Variants in TCTN3 observed in about 807,000 individuals in gnomAD.
The protein encoded by TCTN3 is tectonic-3.
TCTN3 carries 57 observed loss-of-function variants against 71.3 expected under a neutral mutation model. The observed-to-expected ratio is 0.80, with a 90% CI of 0.65 to 1.00. The LOEUF is 1.00. TCTN3 is among the 50% of genes least tolerant of loss of function. The pLI, the probability that TCTN3 is intolerant of heterozygous loss-of-function variation, is 0.00. For missense variants in TCTN3, 696 were observed against 719.9 expected, an observed-to-expected ratio of 0.97 and a Z score of 0.38; for synonymous variants, 258 against 267.8, an observed-to-expected ratio of 0.96 and a Z score of 0.36.
intron 3 of TCTN3, among the ~76,000 whole-genome samples, chr10:95,690,895 T>C (rs1424491591): frequency 6.6e-6 from 1 of 152,204 alleles, no homozygotes; most frequent in Non-Finnish European, 1.5e-5. Context: ...AATTTTTGCC[T>C]TTTTCATACT....
intron 13 of TCTN3, among the ~76,000 whole-genome samples, chr10:95,671,356 G>C (rs752686413): frequency 1.3e-5 from 2 of 152,046 alleles, no homozygotes; most frequent in Non-Finnish European, 2.9e-5. Context: ...AAGTTTGGGG[G>C]GTTATTTGCT....
chr10:95,677,564 A>G (rs529211215), intron 13 of TCTN3, among the ~76,000 whole-genome samples: 1 of 141,718 alleles, frequency 7.1e-6, no homozygotes, highest in East Asian at 2.1e-4. Context: ...TTGCTACTTC[A>G]CTTTTTATAG....
rs768285987 is a variant in TCTN3 at position 95,683,529 on chromosome 10, C to T, written c.1196G>A (p.Ser399Asn). The T allele has an allele frequency of 1.1e-5, 18 of 1,614,070 alleles. No homozygotes were observed. The highest frequency in any genetic ancestry group is 1.5e-5 in the Non-Finnish European group (18 of 1,180,038). The change falls in exon 10 of 14, where the codon AGT (serine) becomes AAT (asparagine). Residue 399 changes from serine (S) to asparagine (N), a missense_variant. Physicochemically the swap from Ser to Asn is conservative, Grantham distance 46. Coordinates refer to ENST00000371217, the MANE Select transcript of TCTN3 (RefSeq NM_015631.6). ...CAGCTCTAAAAAGGATACTGAGTAA[C>T]TTATATCATCAGTCAGAGCCAAGAG... ...KPLLALTDDI[S>N]YSMTLLQSQG... is the part of the protein sequence containing the mutation.
At chr10:95,677,197 A>G (rs908691354) in intron 13 of TCTN3, among the ~76,000 whole-genome samples, 3 of 152,184 alleles carry the variant, frequency 2.0e-5, no homozygotes, top group African/African-American at 7.2e-5. Context: ...TCCTAGAGAT[A>G]TATTTTTTAA....
Position 95,687,662 on chromosome 10 carries a change from AG to A in TCTN3, c.556del (p.Leu186TrpfsTer38). ...QKVNATNFQA[L>X]AAEFGGESFT... ...TGATTCGCCTCCAAACTCTGCAGCC[AG>A]GGCCTGGAAGTTGGTTGCATTGACC... On this transcript the variant is annotated frameshift_variant, in exon 4 of 14. Coordinates refer to ENST00000371217, the MANE Select transcript of TCTN3 (RefSeq NM_015631.6). LOFTEE classifies it high-confidence loss of function. The A allele has an allele frequency of 6.2e-7, 1 of 1,614,198 alleles. No homozygotes were observed. Among genetic ancestry groups the A allele is most frequent in the Non-Finnish European group, 8.5e-7 (1 of 1,180,002 alleles).
At chr10:95,684,096 A>G (rs2097945926) in intron 9 of TCTN3, among the ~76,000 whole-genome samples, 2 of 152,258 alleles carry the variant, frequency 1.3e-5, no homozygotes, top group Non-Finnish European at 2.9e-5. Flanking sequence ...AAGTAGCAGA[A>G]AGCCAAATGG....
chr10:95,685,228 T>C (rs1399565002), intron 8 of TCTN3, among the ~76,000 whole-genome samples: 1 of 151,818 alleles, frequency 6.6e-6, no homozygotes, highest in Non-Finnish European at 1.5e-5. Context: ...ACAGAAGAGG[T>C]GTCAGAAATA....
intron 13 of TCTN3, among the ~76,000 whole-genome samples, chr10:95,671,280 T>C (rs1270188907): frequency 6.6e-6 from 1 of 152,222 alleles, no homozygotes; most frequent in African/African-American, 2.4e-5. Context: ...TATTTCTACT[T>C]TAAGCTATAT....
chr10:95,677,476 T>TTTTTTTTTTTTTTTTTTTTTTTTTTTTTG (rs2097938305), intron 13 of TCTN3, among the ~76,000 whole-genome samples: 1 of 65,008 alleles, frequency 1.5e-5, no homozygotes, highest in Non-Finnish European at 3.6e-5. Context: ...AGTCTACAGT[T>TTTTTTTTTTTTTTTTTTTTTTTTTTTTTG]TTTTTTGTTT....
intron 9 of TCTN3, among the ~76,000 whole-genome samples, chr10:95,684,089 T>C (rs1165673811): frequency 6.6e-6 from 1 of 152,174 alleles, no homozygotes; most frequent in Non-Finnish European, 1.5e-5. Flanking sequence ...AGGAAAGAAG[T>C]AGCAGAAAGC....
intron 8 of TCTN3, among the ~76,000 whole-genome samples, chr10:95,685,228 T>G (rs1399565002): frequency 2.0e-5 from 3 of 151,938 alleles, no homozygotes; most frequent in African/African-American, 7.2e-5. Context: ...ACAGAAGAGG[T>G]GTCAGAAATA....
intron 1 of TCTN3, 32 bp downstream of exon 1, chr10:95,693,612 T>A: frequency 1.3e-6 from 2 of 1,548,074 alleles, no homozygotes; most frequent in East Asian, 4.9e-5. Flanking sequence ...ATCTCAGAAG[T>A]AAGTTTCCAC....
At chr10:95,671,795 C>A (rs1359651702) in intron 13 of TCTN3, among the ~76,000 whole-genome samples, 1 of 152,100 alleles carries the variant, frequency 6.6e-6, no homozygotes, top group Non-Finnish European at 1.5e-5. Flanking sequence ...ACGGTTTCAC[C>A]ATGTTGGTCA....
At chr10:95,680,778 CTTT>C (rs906355850) in intron 12 of TCTN3, among the ~76,000 whole-genome samples, 169 bp from the exon 13 acceptor site, 5 of 134,286 alleles carry the variant, frequency 3.7e-5, no homozygotes, top group Non-Finnish European at 3.2e-5. Flanking sequence ...TATTCCTGAT[CTTT>C]TTTTTTTTTT....
chr10:95,690,052 G>GCC (rs2097952128), intron 3 of TCTN3, among the ~76,000 whole-genome samples: 1 of 152,128 alleles, frequency 6.6e-6, no homozygotes, highest in Non-Finnish European at 1.5e-5. Context: ...CAGTATAGTA[G>GCC]CATGATCACT....
chr10:95,676,236 AACCAGAATAG>A (rs2097937026), intron 13 of TCTN3, among the ~76,000 whole-genome samples: 1 of 152,096 alleles, frequency 6.6e-6, no homozygotes, highest in Non-Finnish European at 1.5e-5. Flanking sequence ...AACCAGAATA[AACCAGAATAG>A]AAAATATCTT....
chr10:95,685,984 T>C (rs2139745819), intron 7 of TCTN3, among the ~76,000 whole-genome samples: 1 of 152,326 alleles, frequency 6.6e-6, no homozygotes, highest in East Asian at 1.9e-4. Context: ...CCCAATACTT[T>C]GGGAAGCCAA....
Position 95,685,580 on chromosome 10 carries a change from G to C in TCTN3, c.945C>G (p.Asn315Lys). Residue 315 changes from asparagine (N) to lysine (K), a missense_variant, in exon 8 of 14, where the codon AAC (asparagine) becomes AAG (lysine). Asn to Lys is a moderately conservative substitution (Grantham distance 94). Coordinates refer to ENST00000371217, the MANE Select transcript of TCTN3 (RefSeq NM_015631.6). The part of the protein sequence containing the change: ...SQANAPLLAG[N>K]TCQNVVSQVT... ...CCTGAGAAACTACATTCTGACAAGT[G>C]TTTCCAGCCAACAGAGGAGCATTAG... 6.4e-7 allele frequency: 1 copy of C among 1,551,500 alleles called. No homozygotes were observed. Among genetic ancestry groups the C allele is most frequent in the Non-Finnish European group, 8.7e-7 (1 of 1,146,870 alleles).
In TCTN3 at chr10:95,664,117, G is replaced by C. The variant is rs375708075; in HGVS notation, c.1774C>G (p.Leu592Val). 1.5e-4 allele frequency: 237 copies of C among 1,614,160 alleles called. No homozygotes were observed. Among genetic ancestry groups the C allele is most frequent in the Non-Finnish European group, 1.9e-4 (227 of 1,180,040 alleles). ...CCAAGTAGTAAGAGGCACAGGATAA[G>C]GATGGGAGAGACTGAGCATTTTTGA... ...FSQKCSVSPI[L>V]ILCLLLLGVL... The change falls in exon 14 of 14, where the codon CTT becomes GTT. Residue 592 changes from leucine to valine, a missense_variant. By Grantham distance (32) the Leu-to-Val change is conservative. Transcript: ENST00000371217.
Sources: gnomAD v4.1 joint callset for allele counts (sites outside exome capture counted in the v4.1 genomes callset) on GRCh38, gnomAD v4.1.1 for gene constraint, MANE v1.5 for transcripts, NCBI Gene and HGNC (gene_info 2026-07-23, HGNC 2026-07-21) for gene names.